Variants in IL1RAPL2 observed in about 807,000 individuals in gnomAD.
IL1RAPL2 encodes the protein interleukin 1 receptor accessory protein like 2, also known as X-linked interleukin-1 receptor accessory protein-like 2.
IL1RAPL2 carries 3 observed loss-of-function variants against 44.1 expected under a neutral mutation model. The ratio of observed to expected loss-of-function variants is 0.07; its 90% CI spans 0.03 to 0.18. The LOEUF (loss-of-function observed/expected upper bound fraction) is 0.18. Among genes scored for constraint, IL1RAPL2 ranks in the 10% least tolerant of loss-of-function variants. IL1RAPL2 has a pLI of 1.00. For missense variants in IL1RAPL2, 391 were observed against 496.4 expected (o/e 0.79, Z 2.02); for synonymous variants, 181 against 178.8 (o/e 1.01, Z -0.10).
At position 104,790,436 on chromosome X, in the gene IL1RAPL2, C is replaced by T. The variant is rs186204767; in HGVS notation, c.82+131441C>T. On this transcript the variant is annotated intron_variant, in intron 2 of 10. Transcript: ENST00000372582. Reference sequence around the variant, plus strand: ...AGAGACCAAAGAGCATGAAGGGTGACGAGAACCACTACAAGAATTTTGTTG... The same window carrying T: ...AGAGACCAAAGAGCATGAAGGGTGATGAGAACCACTACAAGAATTTTGTTG... Among the ~76,000 whole-genome samples the T allele has an allele frequency of 4.5e-5, 5 of 111,308 alleles. No homozygotes were observed. The East Asian group carries it at 1.1e-3, about 25-fold the overall frequency.
intron 2 of IL1RAPL2, among the ~76,000 whole-genome samples, chrX:105,097,330 C>CAAAAAA (rs201390547): frequency 1.4e-4 from 6 of 43,176 alleles, no homozygotes; most frequent in African/African-American, 5.3e-4. Flanking sequence ...CAGTGTCAGA[C>CAAAAAA]AAAAAAAAAA....
At chrX:105,272,092 T>C (rs2034450762) in intron 5 of IL1RAPL2, among the ~76,000 whole-genome samples, 1 of 86,861 alleles carries the variant, frequency 1.2e-5, no homozygotes, top group South Asian at 6.6e-4. Context: ...TGAGATCACA[T>C]GGACACAGGA....
At chrX:105,009,201 A>G (rs769571759) in intron 2 of IL1RAPL2, among the ~76,000 whole-genome samples, 17 of 111,600 alleles carry the variant, frequency 1.5e-4, no homozygotes, top group African/African-American at 4.2e-4. Flanking sequence ...CGATTCCTCA[A>G]TGATCTAGAA....
At chrX:105,300,598 C>T (rs902528895) in intron 5 of IL1RAPL2, among the ~76,000 whole-genome samples, 1 of 111,091 alleles carries the variant, frequency 9.0e-6, no homozygotes, top group African/African-American at 3.3e-5. Flanking sequence ...AAACCAGTTT[C>T]CCATTCCCAT....
chrX:104,749,419 TG>T (rs1932223419), intron 2 of IL1RAPL2, among the ~76,000 whole-genome samples: 1 of 111,379 alleles, frequency 9.0e-6, no homozygotes, highest in African/African-American at 3.3e-5. Context: ...TTATAGTCCA[TG>T]TATCTAAATT....
In IL1RAPL2 at chrX:105,353,724, C is replaced by T. The variant is rs1042752477; in HGVS notation, c.697+86183C>T. 8.1e-5 allele frequency among the ~76,000 whole-genome samples: 9 copies of T among 111,226 alleles called. No individual in the cohort carries two copies. In the Admixed American group the frequency reaches 8.7e-4, roughly 11 times the overall value. ...GAATGGGAGTTCACTCATGATTTGG[C>T]TCTGTGTTTGTCTGTTATTGGTGTA... is the stretch of plus-strand genomic sequence containing the variant. On this transcript the variant is annotated intron_variant, in intron 5 of 10. Coordinates refer to ENST00000372582, the MANE Select transcript of IL1RAPL2 (RefSeq NM_017416.2).
chrX:105,291,283 T>C (rs2034610381), intron 5 of IL1RAPL2, among the ~76,000 whole-genome samples: 1 of 111,987 alleles, frequency 8.9e-6, no homozygotes, highest in African/African-American at 3.2e-5. Flanking sequence ...ACTTGTTTAC[T>C]GTTAATCAAC....
chrX:105,462,547 G>GA (rs1188011818), intron 5 of IL1RAPL2, among the ~76,000 whole-genome samples: 1 of 111,055 alleles, frequency 9.0e-6, no homozygotes, highest in Non-Finnish European at 1.9e-5. Flanking sequence ...TGTGAAGAGA[G>GA]AAAAAAAGTG....
chrX:105,677,179 G>A (rs1171055123), intron 6 of IL1RAPL2, among the ~76,000 whole-genome samples: 1 of 111,822 alleles, frequency 8.9e-6, no homozygotes, highest in Non-Finnish European at 1.9e-5. Flanking sequence ...GTGTGTTGAA[G>A]ATATTTTCAA....
chrX:105,146,367 A>G (rs2033179291), intron 2 of IL1RAPL2, among the ~76,000 whole-genome samples: 2 of 111,022 alleles, frequency 1.8e-5, no homozygotes, highest in South Asian at 7.6e-4. Flanking sequence ...AAAATTTCAG[A>G]AAGCATCTTA....
chrX:104,990,782 T>C (rs993129138), intron 2 of IL1RAPL2, among the ~76,000 whole-genome samples: 6 of 111,618 alleles, frequency 5.4e-5, no homozygotes, highest in Admixed American at 1.9e-4. Context: ...AGACCTGTGT[T>C]GCAAAATTAT....
chrX:105,011,414 T>C (rs2031045719), intron 2 of IL1RAPL2, among the ~76,000 whole-genome samples: 1 of 111,193 alleles, frequency 9.0e-6, no homozygotes, highest in Non-Finnish European at 1.9e-5. Context: ...CCCATTTTAT[T>C]GTATAGTTAA....
chrX:105,745,596 C>T (rs1311269596), intron 8 of IL1RAPL2, among the ~76,000 whole-genome samples: 1 of 112,023 alleles, frequency 8.9e-6, no homozygotes, highest in African/African-American at 3.2e-5. Context: ...AACAGGTTTC[C>T]TCAGGCATCT....
rs367901339 is a variant in IL1RAPL2, at chrX:105,224,307, A to G, written c.357-9511A>G. On this transcript the variant is annotated intron_variant, in intron 3 of 10. Transcript: ENST00000372582. ...GTTTCATATAATGCACAGAGGTTAC[A>G]TAGGATGAGGGTGAACAAAAGGTCA... Among the ~76,000 whole-genome samples the G allele has an allele frequency of 1.8e-4, 20 of 112,098 alleles. 2 individuals are homozygous for G. The East Asian group carries it at 3.9e-3, about 22-fold the overall frequency.
At chrX:105,053,220 C>A (rs1228218145) in intron 2 of IL1RAPL2, among the ~76,000 whole-genome samples, 1 of 111,460 alleles carries the variant, frequency 9.0e-6, no homozygotes, top group Non-Finnish European at 1.9e-5. Flanking sequence ...AAGCTGAGTT[C>A]TTTTCTGAAA....
chrX:104,939,099 C>G (rs1925098375), intron 2 of IL1RAPL2, among the ~76,000 whole-genome samples: 1 of 103,928 alleles, frequency 9.6e-6, no homozygotes, highest in Non-Finnish European at 2.0e-5. Flanking sequence ...CTCTGTTGCC[C>G]AGGCTGGAGC....
chrX:104,750,311 G>A (rs1339918983), intron 2 of IL1RAPL2, among the ~76,000 whole-genome samples: 1 of 111,317 alleles, frequency 9.0e-6, no homozygotes, highest in Non-Finnish European at 1.9e-5. Context: ...GGCAGTTGGA[G>A]GGGGATGAGG....
chrX:104,589,271 G>A (rs1368222845), intron 1 of IL1RAPL2, among the ~76,000 whole-genome samples: 1 of 112,321 alleles, frequency 8.9e-6, no homozygotes, highest in Non-Finnish European at 1.9e-5. Context: ...AAGCAAGGAA[G>A]CCAGTCCAAG....
intron 2 of IL1RAPL2, among the ~76,000 whole-genome samples, chrX:105,171,633 C>T (rs1569396985): frequency 9.1e-6 from 1 of 109,659 alleles, no homozygotes; most frequent in East Asian, 2.9e-4. Flanking sequence ...TCTTAATATC[C>T]CCATTTGTTC....
Sources: allele counts gnomAD v4.1 joint callset (sites outside exome capture counted in the v4.1 genomes callset), GRCh38; gene constraint gnomAD v4.1.1; transcripts MANE v1.5; gene names NCBI Gene and HGNC (gene_info 2026-07-23, HGNC 2026-07-21).